ANK2: variants seen among roughly 807,000 people sequenced by gnomAD.
ANK2 encodes ankyrin 2.
ANK2 carries 83 observed loss-of-function variants against 360.5 expected under a neutral mutation model. The observed-to-expected ratio is 0.23, with a 90% CI of 0.19 to 0.28. The LOEUF is 0.28. Among genes scored for constraint, ANK2 ranks in the 10% least tolerant of loss-of-function variants. The pLI, the probability that ANK2 is intolerant of heterozygous loss-of-function variation, is 1.00. For synonymous variants in ANK2, 1,740 were observed against 1,759.5 expected (o/e 0.99, Z 0.28); for missense variants, 4,201 against 4,795.7 (o/e 0.88, Z 3.66).
intron 4 of ANK2, among the ~76,000 whole-genome samples, chr4:113,227,458 A>G (rs1319825181): frequency 6.6e-6 from 1 of 152,218 alleles, no homozygotes; most frequent in Non-Finnish European, 1.5e-5. Flanking sequence ...AATACATTCA[A>G]CTTTTCTGCA....
At chr4:113,314,086 G>A (rs2081518859) in intron 24 of ANK2, among the ~76,000 whole-genome samples, 1 of 152,106 alleles carries the variant, frequency 6.6e-6, no homozygotes, top group African/African-American at 2.4e-5. Context: ...AATATGCATA[G>A]ATATGGAAGA....
At chr4:113,066,191 C>A (rs977384285) in intron 1 of ANK2, among the ~76,000 whole-genome samples, 4 of 152,150 alleles carry the variant, frequency 2.6e-5, no homozygotes, top group South Asian at 4.1e-4. Context: ...CTCCTCCCCC[C>A]AGCCCCACAA....
intron 1 of ANK2, among the ~76,000 whole-genome samples, chr4:112,878,992 A>G (rs1349419069): frequency 6.6e-6 from 1 of 152,170 alleles, no homozygotes; most frequent in Non-Finnish European, 1.5e-5. Flanking sequence ...GGAGGAATTT[A>G]TATTTTCTAA....
intron 45 of ANK2, among the ~76,000 whole-genome samples, chr4:113,380,670 G>T (rs1442609036): frequency 1.3e-5 from 2 of 152,210 alleles, no homozygotes; most frequent in Non-Finnish European, 2.9e-5. Context: ...TCAAGAAAAG[G>T]TGTTATAGTT....
chr4:112,966,660 A>T (rs1195978233), intron 2 of ANK2, among the ~76,000 whole-genome samples: 1 of 152,130 alleles, frequency 6.6e-6, no homozygotes, highest in Non-Finnish European at 1.5e-5. Context: ...TTTTTAGAGA[A>T]TTAAAGGTGT....
chr4:112,855,245 G>A lies in ANK2; in HGVS notation c.-40+36981G>A, dbSNP rs551399062. ...GATCACCTCGACAGCAGCACTGCTG[G>A]CCCAGAGCTGTGTTCTTCTGTAATC... On this transcript the variant is annotated intron_variant, in intron 1 of 30. Transcript: ENST00000503271. Among the ~76,000 whole-genome samples, 47 of 152,286 alleles carry A rather than the reference G, an allele frequency of 3.1e-4. No individual in the cohort carries two copies. In the South Asian group the frequency reaches 4.6e-3, roughly 15 times the overall value.
At chr4:113,055,127 T>G (rs2068990924) in intron 1 of ANK2, among the ~76,000 whole-genome samples, 1 of 152,134 alleles carries the variant, frequency 6.6e-6, no homozygotes, top group African/African-American at 2.4e-5. Context: ...GTGCAGTGGC[T>G]CACACCTGTA....
chr4:112,783,105 T>C, the ANK2 span, among the ~76,000 whole-genome samples: 1 of 152,012 alleles, frequency 6.6e-6, no homozygotes, highest in Non-Finnish European at 1.5e-5. Context: ...AGATGAGGTT[T>C]CACTATGTTG....
chr4:113,204,582 A>G (rs2098916578), intron 4 of ANK2, among the ~76,000 whole-genome samples: 1 of 152,180 alleles, frequency 6.6e-6, no homozygotes, highest in Admixed American at 6.5e-5. Context: ...TCAACAATGA[A>G]TAGTCTCATT....
In ANK2 at chr4:113,049,661, A is replaced by G. The variant is rs2066024607; in HGVS notation, c.-68A>G. The stretch of plus-strand genomic sequence containing the variant: ...TCCTGCTTTCCTCCAGTAAGTGCAT[A>G]CCCGCTAGTGGTCTGTACAGGCGGC... On this transcript the variant is annotated 5_prime_UTR_variant, in exon 1 of 46. In the 5' UTR this introduces an upstream ATG that the reference lacks. Coordinates refer to ENST00000357077, the MANE Select transcript of ANK2 (RefSeq NM_001148.6). 1 of 1,572,254 alleles carries G rather than the reference A, an allele frequency of 6.4e-7. No homozygotes were observed.
rs117188623 is a variant in ANK2, at chr4:112,994,803, T to C, written c.21+90289T>C. Among the ~76,000 whole-genome samples the C allele has an allele frequency of 2.6e-3, 394 of 152,318 alleles. 11 individuals carry two copies. The East Asian group carries it at 0.059, about 23-fold the overall frequency. The stretch of plus-strand genomic sequence containing the variant: ...TCCTCAGTGTCTGTTCCCATCTTTA[T>C]GTCCATGTGTACCCAGTGTTTAGCT... On this transcript the variant is annotated intron_variant, in intron 2 of 30. Coordinates refer to the ANK2 transcript ENST00000503271.
intron 14 of ANK2, among the ~76,000 whole-genome samples, chr4:113,272,698 T>G (rs2058982142): frequency 6.6e-6 from 1 of 152,194 alleles, no homozygotes; most frequent in Admixed American, 6.5e-5. Flanking sequence ...TAACCAATTA[T>G]GTAGCTACCT....
At chr4:112,741,563 G>T in the ANK2 span, among the ~76,000 whole-genome samples, 1 of 152,288 alleles carries the variant, frequency 6.6e-6, no homozygotes, top group Non-Finnish European at 1.5e-5. Context: ...CCATACAGAC[G>T]CCTAGTGTAA....
At chr4:113,372,544 G>A in intron 43 of ANK2, 6 of 1,535,268 alleles carry the variant, frequency 3.9e-6, no homozygotes, top group Non-Finnish European at 5.2e-6. Context: ...AGCTAACAGA[G>A]GAATTAGGGG....
chr4:112,965,844 TATA>T (rs2037001304), intron 2 of ANK2, among the ~76,000 whole-genome samples: 1 of 152,106 alleles, frequency 6.6e-6, no homozygotes, highest in Non-Finnish European at 1.5e-5. Flanking sequence ...TCTGATTGGT[TATA>T]ATATTCTGGT....
intron 2 of ANK2, among the ~76,000 whole-genome samples, chr4:112,975,825 G>T (rs1328458914): frequency 1.3e-5 from 2 of 152,088 alleles, no homozygotes; most frequent in Non-Finnish European, 2.9e-5. Context: ...TTAGATTAGA[G>T]CTCCAGTTCA....
At chr4:113,333,032 A>G (rs769523908) in intron 28 of ANK2, 22 bp from the exon 29 acceptor site, 2 of 1,614,078 alleles carry the variant, frequency 1.2e-6, no homozygotes, top group East Asian at 2.2e-5. Context: ...TCCACACTGA[A>G]TGTTCTGCAT....
At chr4:112,793,169 A>G in the ANK2 span, among the ~76,000 whole-genome samples, 1 of 152,168 alleles carries the variant, frequency 6.6e-6, no homozygotes, top group Admixed American at 6.5e-5. Flanking sequence ...CGTTTGTTAA[A>G]TCATTTTGTC....
intron 1 of ANK2, among the ~76,000 whole-genome samples, chr4:113,100,522 T>G (rs780637324): frequency 1.3e-5 from 2 of 152,154 alleles, no homozygotes; most frequent in African/African-American, 2.4e-5. Context: ...CATTCATTGA[T>G]GTTAAGAATG....
Sources: allele counts gnomAD v4.1 joint callset (sites outside exome capture counted in the v4.1 genomes callset), GRCh38; gene constraint gnomAD v4.1.1; transcripts MANE v1.5; gene names NCBI Gene and HGNC (gene_info 2026-07-23, HGNC 2026-07-21).